Variants in RGS7 observed in about 807,000 individuals in gnomAD.
The protein encoded by RGS7 is regulator of G-protein signaling 7.
In RGS7, 27 loss-of-function variants were observed where a neutral mutation model predicts 81.1. The ratio of observed to expected loss-of-function variants is 0.33; its 90% CI spans 0.25 to 0.46. RGS7 has a LOEUF of 0.46. Among genes scored for constraint, RGS7 ranks in the 20% least tolerant of loss-of-function variants. RGS7 has a pLI of 1.00. For missense variants in RGS7, 396 were observed against 607.4 expected (o/e 0.65, Z 3.66); for synonymous variants, 208 against 207.7 (o/e 1.00, Z -0.01).
chr1:241,183,149 T>C (rs2071786543), intron 2 of RGS7, among the ~76,000 whole-genome samples: 1 of 152,172 alleles, frequency 6.6e-6, no homozygotes, highest in Non-Finnish European at 1.5e-5. Context: ...ACCACTCTCA[T>C]TGCTTGGACA....
intron 2 of RGS7, among the ~76,000 whole-genome samples, chr1:241,181,270 G>T (rs1179387827): frequency 6.6e-6 from 1 of 152,208 alleles, no homozygotes; most frequent in African/African-American, 2.4e-5. Context: ...CTCTGGTGGA[G>T]TATGTTGCTA....
intron 3 of RGS7, among the ~76,000 whole-genome samples, chr1:241,017,146 G>T (rs1261969913): frequency 6.6e-6 from 1 of 152,084 alleles, no homozygotes; most frequent in African/African-American, 2.4e-5. Context: ...CAGCATTGCT[G>T]TCATTCAGTT....
At position 241,147,780 on chromosome 1, in the gene RGS7, TTATATATATATA is replaced by T. The variant is rs200770896; in HGVS notation, c.79-49030_79-49019del. ...TTAAATATCCCATCTAGATTAAGTT[TTATATATATATA>T]TATATATATATATATATATATATAT... On this transcript the variant is annotated intron_variant, in intron 2 of 18. Transcript: ENST00000440928. Among the ~76,000 whole-genome samples, 107 of 44,646 alleles carry T rather than the reference TTATATATATATA, an allele frequency of 2.4e-3. 7 individuals carry two copies. Among genetic ancestry groups the T allele is most frequent in the South Asian group, 3.6e-3 (3 of 822 alleles). 29.3% of individuals were successfully genotyped at this position (44,646 alleles called of 152,430 possible).
At chr1:240,945,997 T>C (rs551658800) in intron 4 of RGS7, among the ~76,000 whole-genome samples, 7 of 152,296 alleles carry the variant, frequency 4.6e-5, no homozygotes, top group African/African-American at 7.2e-5. Flanking sequence ...CAAAATTAGT[T>C]TGGAAACTAG....
chr1:241,189,509 A>G (rs189351333), intron 2 of RGS7, among the ~76,000 whole-genome samples: 1 of 152,282 alleles, frequency 6.6e-6, no homozygotes. Flanking sequence ...ACAGGGCAAA[A>G]GGTTTTAATT....
rs114705999 is a variant in RGS7, at chr1:240,776,211, C to G, written c.*9G>C. On this transcript the variant is annotated splice_region_variant and 3_prime_UTR_variant, in exon 19 of 19. Coordinates refer to ENST00000440928, the MANE Select transcript of RGS7 (RefSeq NM_001364886.1). Reference sequence around the variant, plus strand: ...TTAACCTCTTGGACGTGAGAGATTTCCCCTGAGAAAATATATAAAACAAGA... The same window carrying G: ...TTAACCTCTTGGACGTGAGAGATTTGCCCTGAGAAAATATATAAAACAAGA... 167 of 1,607,574 alleles carry G rather than the reference C, an allele frequency of 1.0e-4. 1 individual carries two copies. The East Asian group carries it at 3.5e-3, about 33-fold the overall frequency.
intron 2 of RGS7, among the ~76,000 whole-genome samples, chr1:241,102,888 CCTCGAGCATTCACTCAGA>C (rs1276257256): frequency 6.6e-6 from 1 of 151,890 alleles, no homozygotes; most frequent in Admixed American, 6.6e-5. Context: ...GTTGATGTTC[CCTCGAGCATTCACTCAGA>C]GTCTATTAAT....
At chr1:240,889,163 G>T (rs982688158) in intron 6 of RGS7, among the ~76,000 whole-genome samples, 4 of 152,074 alleles carry the variant, frequency 2.6e-5, no homozygotes, top group African/African-American at 9.7e-5. Flanking sequence ...CACCACGTCG[G>T]CCAGGCTGGT....
rs568232857 is a variant in RGS7, at chr1:241,201,837, T to A, written c.79-103075A>T. Among the ~76,000 whole-genome samples, 5 of 152,226 alleles carry A rather than the reference T, an allele frequency of 3.3e-5. No homozygotes were observed. In the South Asian group the frequency reaches 1.0e-3, roughly 32 times the overall value. ...AGTGAAGTAAACGTAGGAGCCAGGA[T>A]CAGAATCCAAGACTTTGGGATTCCA... On this transcript the variant is annotated intron_variant, in intron 2 of 18. Transcript: ENST00000440928.
chr1:240,954,716 T>G (rs1680079497), intron 4 of RGS7, among the ~76,000 whole-genome samples: 2 of 152,136 alleles, frequency 1.3e-5, no homozygotes, highest in African/African-American at 4.8e-5. Context: ...CTTTCACACT[T>G]CATTTCAACA....
intron 6 of RGS7, among the ~76,000 whole-genome samples, chr1:240,898,563 G>C (rs1669469223): frequency 6.6e-6 from 1 of 152,138 alleles, no homozygotes; most frequent in Non-Finnish European, 1.5e-5. Flanking sequence ...TCAGGAGCAG[G>C]TTGTTCAGTT....
chr1:241,151,846 C>G (rs2068779431), intron 2 of RGS7, among the ~76,000 whole-genome samples: 1 of 152,024 alleles, frequency 6.6e-6, no homozygotes, highest in Non-Finnish European at 1.5e-5. Flanking sequence ...TGTTAAAGAA[C>G]TTAATCACAG....
intron 9 of RGS7, among the ~76,000 whole-genome samples, chr1:240,852,430 G>A (rs1660281220): frequency 6.6e-6 from 1 of 152,148 alleles, no homozygotes; most frequent in Non-Finnish European, 1.5e-5. Context: ...AAATGTGTGT[G>A]ATTTACTTTA....
intron 2 of RGS7, among the ~76,000 whole-genome samples, chr1:241,127,455 C>G (rs944080410): frequency 1.3e-5 from 2 of 152,152 alleles, no homozygotes. Flanking sequence ...AAAAACCAAA[C>G]ACCGCATGTT....
intron 2 of RGS7, among the ~76,000 whole-genome samples, chr1:241,289,438 T>A (rs1369933768): frequency 6.6e-6 from 1 of 152,198 alleles, no homozygotes; most frequent in East Asian, 1.9e-4. Context: ...AGCATGTCCA[T>A]GCTTCTCCGA....
intron 2 of RGS7, among the ~76,000 whole-genome samples, chr1:241,159,179 T>TA (rs962828378): frequency 3.3e-5 from 5 of 152,240 alleles, no homozygotes; most frequent in Non-Finnish European, 7.3e-5. Flanking sequence ...CCTAAGAAGT[T>TA]ACAATGCTTC....
chr1:241,220,977 G>GAAA (rs1312165796), intron 2 of RGS7, among the ~76,000 whole-genome samples: 3 of 74,058 alleles, frequency 4.1e-5, no homozygotes, highest in South Asian at 4.7e-4. Context: ...AAGGAAGGAA[G>GAAA]GAAGGAAGGA....
In RGS7 at chr1:241,149,170, TTC is replaced by T. The variant is rs368652645; in HGVS notation, c.79-50410_79-50409del. ...TCTACAAGTAGAAAATGTGAGCATT[TTC>T]TCTTTTTTTTTGAGATGAAGTCTTG... On this transcript the variant is annotated intron_variant, in intron 2 of 18. Coordinates refer to ENST00000440928, the MANE Select transcript of RGS7 (RefSeq NM_001364886.1). Among the ~76,000 whole-genome samples the T allele has an allele frequency of 6.5e-4, 99 of 152,180 alleles. 3 individuals are homozygous for T. In the East Asian group the frequency reaches 0.014, roughly 22 times the overall value.
At chr1:240,820,714 C>A (rs1436414808) in intron 10 of RGS7, among the ~76,000 whole-genome samples, 1 of 152,128 alleles carries the variant, frequency 6.6e-6, no homozygotes, top group Non-Finnish European at 1.5e-5. Flanking sequence ...ACAGAGTGAG[C>A]TCGCGAAAGA....
Sources: allele counts gnomAD v4.1 joint callset (sites outside exome capture counted in the v4.1 genomes callset), GRCh38; gene constraint gnomAD v4.1.1; transcripts MANE v1.5; gene names NCBI Gene and HGNC (gene_info 2026-07-23, HGNC 2026-07-21).